Variants in FGD3 observed in about 807,000 individuals in gnomAD.
The protein encoded by FGD3 is FYVE, RhoGEF and PH domain-containing protein 3.
A neutral mutation model predicts 71.8 loss-of-function variants in FGD3; 45 were observed. The observed-to-expected ratio is 0.63, with a 90% CI of 0.49 to 0.80. The LOEUF is 0.80. Among genes scored for constraint, FGD3 ranks in the 30% least tolerant of loss-of-function variants. FGD3 has a pLI of 0.00. For synonymous variants in FGD3, 378 were observed against 392.8 expected (o/e 0.96, Z 0.44); for missense variants, 844 against 951.5 (o/e 0.89, Z 1.49).
intron 10 of FGD3, among the ~76,000 whole-genome samples, chr9:93,017,159 T>G (rs1444645960): frequency 6.6e-6 from 1 of 152,046 alleles, no homozygotes; most frequent in Non-Finnish European, 1.5e-5. Context: ...TCCCAGCTAC[T>G]TGGGAGGCTG....
intron 14 of FGD3, among the ~76,000 whole-genome samples, chr9:93,027,800 G>A (rs1023518232): frequency 3.7e-5 from 5 of 136,486 alleles, no homozygotes; most frequent in African/African-American, 1.4e-4. Flanking sequence ...ACTCACTGTA[G>A]CCTTGACCTC....
intron 15 of FGD3, 76 bp downstream of exon 15, chr9:93,030,072 C>T (rs1862298572): frequency 1.3e-6 from 2 of 1,538,198 alleles, no homozygotes; most frequent in Non-Finnish European, 1.8e-6. Context: ...GAGTCCTCAC[C>T]AGCAGCACAC....
intron 10 of FGD3, among the ~76,000 whole-genome samples, chr9:93,016,288 G>A (rs536464914): frequency 1.8e-4 from 27 of 152,104 alleles, no homozygotes; most frequent in African/African-American, 5.8e-4. Flanking sequence ...CACCGGAGCC[G>A]GGGGGAGGGT....
At chr9:92,963,287 TTTTA>T (rs917116984) in intron 1 of FGD3, among the ~76,000 whole-genome samples, 5 of 152,254 alleles carry the variant, frequency 3.3e-5, no homozygotes, top group African/African-American at 9.6e-5. Flanking sequence ...GAGAAATTGC[TTTTA>T]TTTATTTATT....
chr9:92,956,020 T>G (rs893677305), intron 1 of FGD3, among the ~76,000 whole-genome samples: 1 of 152,246 alleles, frequency 6.6e-6, no homozygotes, highest in East Asian at 1.9e-4. Context: ...TTCATTTCCA[T>G]GTCTGCATGT....
rs552157907 is a variant in FGD3, at chr9:93,035,890, G to A, written c.*301G>A. 1.4e-5 allele frequency: 5 copies of A among 362,064 alleles called. No individual in the cohort carries two copies. Among genetic ancestry groups the A allele is most frequent in the South Asian group, 6.0e-5 (1 of 16,770 alleles). 22.4% of individuals were successfully genotyped at this position (362,064 alleles called of 1,614,324 possible). ...ATGGGCCGTGTGGTGATGCTGGCCC[G>A]GAAGGCAGAAAGAGGCAGCATGGGC... is the stretch of plus-strand genomic sequence containing the variant. On this transcript the variant is annotated 3_prime_UTR_variant, in exon 18 of 18. Transcript: ENST00000375482.
At chr9:92,970,961 G>A (rs1859508007) in intron 1 of FGD3, among the ~76,000 whole-genome samples, 1 of 152,134 alleles carries the variant, frequency 6.6e-6, no homozygotes. Context: ...AGCTCTCTTT[G>A]TTTTCTGTTC....
chr9:93,013,665 A>G (rs771838988), intron 8 of FGD3, among the ~76,000 whole-genome samples, 187 bp from the exon 9 acceptor site: 4 of 152,160 alleles, frequency 2.6e-5, no homozygotes, highest in Admixed American at 6.5e-5. Context: ...TATGCTCTGC[A>G]TGGTGAACTC....
At chr9:93,005,743 C>G (rs917112404) in intron 5 of FGD3, among the ~76,000 whole-genome samples, 1 of 152,222 alleles carries the variant, frequency 6.6e-6, no homozygotes, top group African/African-American at 2.4e-5. Context: ...TCAAGCGATT[C>G]TGCTACTACT....
chr9:93,033,213 T>C (rs933563624), intron 16 of FGD3: 3 of 384,284 alleles, frequency 7.8e-6, no homozygotes, highest in African/African-American at 6.2e-5. Context: ...GGGGAGATAC[T>C]GCCCTTCTCT....
Position 93,019,894 on chromosome 9 carries a change from G to T in FGD3, c.1386+33G>T, listed in dbSNP as rs1041073000. The T allele has an allele frequency of 2.5e-6, 4 of 1,612,526 alleles. No individual in the cohort carries two copies. In the South Asian group the frequency reaches 3.3e-5, roughly 13 times the overall value. ...TTCTAAAGTTGTAAAGTAACCAAAT[G>T]ACCAAGTGATTGAGCAGTAAGGCCA... On this transcript the variant is annotated intron_variant, in intron 12 of 17. Coordinates refer to ENST00000375482, the MANE Select transcript of FGD3 (RefSeq NM_001083536.2).
intron 3 of FGD3, among the ~76,000 whole-genome samples, chr9:92,985,958 T>C (rs1330743681): frequency 3.9e-5 from 6 of 152,168 alleles, no homozygotes; most frequent in African/African-American, 1.4e-4. Context: ...GAATAGGGCA[T>C]CCCCCATTCA....
intron 3 of FGD3, among the ~76,000 whole-genome samples, chr9:92,994,926 C>G (rs1325568449): frequency 6.6e-6 from 1 of 152,156 alleles, no homozygotes; most frequent in Non-Finnish European, 1.5e-5. Flanking sequence ...CAGCTTTGTT[C>G]TTTTGGCTTA....
chr9:93,006,637 G>T (rs577697315), intron 6 of FGD3, among the ~76,000 whole-genome samples: 3 of 152,198 alleles, frequency 2.0e-5, no homozygotes, highest in African/African-American at 7.2e-5. Flanking sequence ...CTTTCTTCTT[G>T]ATTCACAAGG....
intron 3 of FGD3, among the ~76,000 whole-genome samples, chr9:92,999,589 C>CTT (rs886295047): frequency 6.9e-5 from 9 of 131,150 alleles, no homozygotes; most frequent in Non-Finnish European, 1.3e-4. Context: ...ATCTTGGAAC[C>CTT]TTTTTTTTTT....
At chr9:92,949,118 CAG>C (rs2118487208) in intron 1 of FGD3, among the ~76,000 whole-genome samples, 1 of 152,236 alleles carries the variant, frequency 6.6e-6, no homozygotes, top group Non-Finnish European at 1.5e-5. Context: ...CTGGACACCC[CAG>C]AGAGGGGGTC....
intron 3 of FGD3, among the ~76,000 whole-genome samples, chr9:92,989,767 G>T (rs897283491): frequency 6.6e-6 from 1 of 152,196 alleles, no homozygotes; most frequent in Non-Finnish European, 1.5e-5. Context: ...GCAGCCACCT[G>T]TGGAGATATT....
At chr9:93,000,114 T>C (rs1019934519) in intron 3 of FGD3, among the ~76,000 whole-genome samples, 1 of 152,174 alleles carries the variant, frequency 6.6e-6, no homozygotes, top group Admixed American at 6.5e-5. Flanking sequence ...ATAGATATTT[T>C]ATTTGTGGTT....
intron 14 of FGD3, among the ~76,000 whole-genome samples, chr9:93,024,533 C>T (rs1862049301): frequency 6.6e-6 from 1 of 152,280 alleles, no homozygotes; most frequent in African/African-American, 2.4e-5. Flanking sequence ...TGGTCACAGT[C>T]CTGCCGCAGA....
Sources: gnomAD v4.1 joint callset for allele counts (sites outside exome capture counted in the v4.1 genomes callset) on GRCh38, gnomAD v4.1.1 for gene constraint, MANE v1.5 for transcripts, NCBI Gene and HGNC (gene_info 2026-07-23, HGNC 2026-07-21) for gene names.